The following SCOC variants were observed in gnomAD, a reference collection of about 807,000 sequenced individuals.
The protein encoded by SCOC is short coiled-coil protein, also known as short coiled coil protein.
Under a neutral mutation model 9.9 loss-of-function variants are expected in SCOC, and 7 were observed. That is an observed-to-expected ratio of 0.71 (90% CI 0.40 to 1.33). The LOEUF is 1.33. SCOC is among the 40% of genes most tolerant of loss of function. The pLI is 0.01. For synonymous variants in SCOC, 19 were observed against 28.2 expected (o/e 0.67, Z 1.03); for missense variants, 66 against 89.7 (o/e 0.74, Z 1.07).
At chr4:140,337,660 A>G (rs946071237) in intron 1 of SCOC, among the ~76,000 whole-genome samples, 6 of 152,238 alleles carry the variant, frequency 3.9e-5, no homozygotes, top group African/African-American at 7.2e-5. Context: ...CCATCAGAGA[A>G]TACTATAAAC....
intron 1 of SCOC, chr4:140,285,293 G>T (rs1471024477): frequency 2.2e-6 from 1 of 456,602 alleles, no homozygotes; most frequent in Admixed American, 2.3e-5. Context: ...AGAGAGAAGA[G>T]ATAATTTAGA....
chr4:140,283,320 C>T (rs1444443217), intron 1 of SCOC, among the ~76,000 whole-genome samples: 1 of 152,198 alleles, frequency 6.6e-6, no homozygotes, highest in East Asian at 1.9e-4. Context: ...AGAAGTTCTT[C>T]TACATCACCT....
intron 1 of SCOC, among the ~76,000 whole-genome samples, chr4:140,337,147 C>T (rs1488764959): frequency 6.6e-6 from 1 of 152,190 alleles, no homozygotes; most frequent in Admixed American, 6.5e-5. Context: ...AAACCCTTAG[C>T]AGATATGTGA....
At chr4:140,300,259 G>A (rs1362138751) in intron 1 of SCOC, among the ~76,000 whole-genome samples, 1 of 152,176 alleles carries the variant, frequency 6.6e-6, no homozygotes. Flanking sequence ...GAGTGTCAGG[G>A]AGATATGGCG....
intron 2 of SCOC, among the ~76,000 whole-genome samples, chr4:140,356,506 C>T (rs1464328037): frequency 6.6e-6 from 1 of 152,204 alleles, no homozygotes; most frequent in Non-Finnish European, 1.5e-5. Context: ...ATGTCACCTT[C>T]ATCTCCTTCA....
chr4:140,311,817 G>A (rs1021227136), intron 1 of SCOC, among the ~76,000 whole-genome samples: 1 of 152,188 alleles, frequency 6.6e-6, no homozygotes, highest in African/African-American at 2.4e-5. Context: ...AAAGAATTGT[G>A]TAAAGATCTT....
chr4:140,307,502 C>A (rs756587996), intron 1 of SCOC, among the ~76,000 whole-genome samples: 11 of 152,214 alleles, frequency 7.2e-5, no homozygotes, highest in Non-Finnish European at 8.8e-5. Context: ...TCTATGGTTT[C>A]TGCTTCTCTA....
At chr4:140,266,130 A>G (rs777174095) in intron 1 of SCOC, among the ~76,000 whole-genome samples, 1 of 152,136 alleles carries the variant, frequency 6.6e-6, no homozygotes, top group Admixed American at 6.5e-5. Context: ...GAGAGCGTCT[A>G]TTTACTCCCT....
At chr4:140,298,120 G>A (rs1386588904) in intron 1 of SCOC, among the ~76,000 whole-genome samples, 2 of 152,116 alleles carry the variant, frequency 1.3e-5, no homozygotes, top group African/African-American at 2.4e-5. Flanking sequence ...TCTCGGGATC[G>A]TTCGCCATCC....
Position 140,329,760 on chromosome 4 carries a change from G to A in SCOC, c.-18-13861G>A, listed in dbSNP as rs545299232. Reference sequence around the variant, plus strand: ...CAAAACCGCAATGCAATACCACCTCGCTCCTGCAAGTATGGCCGTAATCAA... The same window carrying A: ...CAAAACCGCAATGCAATACCACCTCACTCCTGCAAGTATGGCCGTAATCAA... On this transcript the variant is annotated intron_variant, in intron 1 of 4. Coordinates refer to the SCOC transcript ENST00000394205. Among the ~76,000 whole-genome samples the A allele has an allele frequency of 1.3e-3, 198 of 152,070 alleles. 3 individuals are homozygous for A. Among genetic ancestry groups the A allele is most frequent in the African/African-American group, 4.7e-3 (195 of 41,504 alleles).
At chr4:140,338,170 T>G (rs1004041635) in intron 1 of SCOC, among the ~76,000 whole-genome samples, 7 of 151,972 alleles carry the variant, frequency 4.6e-5, no homozygotes, top group East Asian at 1.9e-4. Flanking sequence ...ATGTAATCCA[T>G]CATATAAACA....
chr4:140,366,004 G>C (rs1727776788), intron 2 of SCOC, among the ~76,000 whole-genome samples: 1 of 152,154 alleles, frequency 6.6e-6, no homozygotes, highest in African/African-American at 2.4e-5. Context: ...TAACATCCCA[G>C]ATCCTGACAA....
At chr4:140,260,199 T>C (rs1365929477) in intron 1 of SCOC, among the ~76,000 whole-genome samples, 1 of 152,228 alleles carries the variant, frequency 6.6e-6, no homozygotes, top group Non-Finnish European at 1.5e-5. Flanking sequence ...ATCTCACAGA[T>C]GGTTGATTCA....
intron 2 of SCOC, among the ~76,000 whole-genome samples, chr4:140,362,307 T>TCCTCTTCTTCCTCTTCTTCCTC (rs1367879973): frequency 1.5e-5 from 1 of 67,656 alleles, no homozygotes; most frequent in African/African-American, 4.8e-5. Context: ...TTCTTTTTTT[T>TCCTCTTCTTCCTCTTCTTCCTC]TTTTTTTTGT....
At chr4:140,357,160 G>C (rs938537540) in intron 2 of SCOC, among the ~76,000 whole-genome samples, 1 of 151,996 alleles carries the variant, frequency 6.6e-6, no homozygotes, top group African/African-American at 2.4e-5. Flanking sequence ...TTTTAGTAGA[G>C]ACAGGGTTTC....
At position 140,379,112 on chromosome 4, in the gene SCOC, T is replaced by C; in HGVS notation, c.-50-9T>C. 1 of 1,563,862 alleles carries C rather than the reference T, an allele frequency of 6.4e-7. No homozygotes were observed. Among genetic ancestry groups the C allele is most frequent in the Non-Finnish European group, 8.8e-7 (1 of 1,134,416 alleles). On this transcript the variant is annotated splice_polypyrimidine_tract_variant and intron_variant, in intron 1 of 3. Transcript: ENST00000608372. ...ATGTGTCTATATTTCTGAATTTTTC[T>C]TATTGTAGACCATTCCTCAAGAATT...
chr4:140,342,019 C>T (rs1726536551), upstream of SCOC, among the ~76,000 whole-genome samples: 1 of 152,148 alleles, frequency 6.6e-6, no homozygotes, highest in South Asian at 2.1e-4. Flanking sequence ...TGCCTCCCTC[C>T]CTATTTTATC....
chr4:140,385,573 C>T lies in SCOC; in HGVS notation c.*4469C>T, dbSNP rs1295134306. 6.6e-6 allele frequency: 1 copy of T among 152,096 alleles called. No individual in the cohort carries two copies. The highest frequency in any genetic ancestry group is 2.4e-5 in the African/African-American group (1 of 41,418). The allele number at this position is 152,096 out of a possible 1,614,324, so 9.4% of individuals were successfully genotyped here. ...TAATGTCACATCTCTATTCCTGTCACCCTTCCCTGTGATCTAGTCCCTTTT... is the reference window on the plus strand; with the variant it reads ...TAATGTCACATCTCTATTCCTGTCATCCTTCCCTGTGATCTAGTCCCTTTT... On this transcript the variant is annotated 3_prime_UTR_variant, in exon 4 of 4. Coordinates refer to ENST00000608372, the MANE Select transcript of SCOC (RefSeq NM_001153484.2).
intron 2 of SCOC, among the ~76,000 whole-genome samples, chr4:140,362,249 A>AAG (rs1727525498): frequency 1.1e-5 from 1 of 90,110 alleles, no homozygotes; most frequent in Non-Finnish European, 2.3e-5. Context: ...AAACAAACTA[A>AAG]AGACCGGCTA....
Sources: gnomAD v4.1 joint callset for allele counts (sites outside exome capture counted in the v4.1 genomes callset) on GRCh38, gnomAD v4.1.1 for gene constraint, MANE v1.5 for transcripts, NCBI Gene and HGNC (gene_info 2026-07-23, HGNC 2026-07-21) for gene names.